ABCC9: variants seen among roughly 807,000 people sequenced by gnomAD.
ABCC9 encodes ATP binding cassette subfamily C member 9.
Under a neutral mutation model 188.3 loss-of-function variants are expected in ABCC9, and 95 were observed. That is an observed-to-expected ratio of 0.50 (90% CI 0.43 to 0.60). The LOEUF is 0.60. Ranked by LOEUF, ABCC9 falls within the 20% of genes least tolerant of loss-of-function variation. The probability of loss-of-function intolerance (pLI) is 0.00; values close to 1 mark genes in which losing one functional copy is unlikely to be tolerated. For missense variants in ABCC9, 1,102 were observed against 1,876.3 expected (o/e 0.59, Z 7.62); for synonymous variants, 659 against 652.7 (o/e 1.01, Z -0.15).
At chr12:21,817,360 T>G in intron 32 of ABCC9, 53 bp from the exon 33 acceptor site, 1 of 1,590,144 alleles carries the variant, frequency 6.3e-7, no homozygotes, top group Admixed American at 1.7e-5. Context: ...TAAGAAGTTG[T>G]GGTTAATCAC....
Position 21,818,084 on chromosome 12 carries a change from C to T in ABCC9, c.3771+66G>A, listed in dbSNP as rs1942775260. On this transcript the variant is annotated intron_variant, in intron 32 of 39. Transcript: ENST00000261200. ...CTCATGTGTTCTCAACATTCAATTC[C>T]CATTTATGAGTGAGAACATGCGGTG... 74 of 1,171,524 alleles carry T rather than the reference C, an allele frequency of 6.3e-5. No individual in the cohort carries two copies. In the South Asian group the frequency reaches 8.7e-4, roughly 14 times the overall value. 72.6% of individuals were successfully genotyped at this position (1,171,524 alleles called of 1,614,324 possible).
chr12:21,921,052 G>A (rs1164523055), intron 5 of ABCC9, among the ~76,000 whole-genome samples: 4 of 151,918 alleles, frequency 2.6e-5, no homozygotes, highest in African/African-American at 4.8e-5. Context: ...ATGTCTGTTC[G>A]ATATACTGAT....
At chr12:21,901,265 G>T (rs1325502883) in intron 12 of ABCC9, among the ~76,000 whole-genome samples, 1 of 152,146 alleles carries the variant, frequency 6.6e-6, no homozygotes, top group African/African-American at 2.4e-5. Flanking sequence ...GAGAGATTTT[G>T]TCACCACCAG....
chr12:21,906,822 A>C (rs777246346), intron 11 of ABCC9, among the ~76,000 whole-genome samples: 15 of 152,254 alleles, frequency 9.9e-5, no homozygotes, highest in Middle Eastern at 3.4e-3. Context: ...TATCTTAGCT[A>C]TCAAGAGATT....
chr12:21,936,650 T>G lies in ABCC9; in HGVS notation c.25A>C (p.Asn9His). The part of the protein sequence containing the change: MSLSFCGN[N>H]ISSYNINDGV... The stretch of plus-strand genomic sequence containing the variant: ...TCGTTGATATTATATGAAGAAATGT[T>G]GTTACCACAAAATGAAAGGCTCATT... The change falls in exon 3 of 40, where the codon AAC (asparagine) becomes CAC (histidine). Residue 9 changes from asparagine (N) to histidine (H), a missense_variant. Around this residue, in one of 12 missense-constraint regions of ABCC9, gnomAD observed 305 missense variants for 573.0 expected, o/e 0.53. Coordinates refer to ENST00000261200, the MANE Select transcript of ABCC9 (RefSeq NM_020297.4). The G allele has an allele frequency of 6.2e-7, 1 of 1,611,416 alleles. No homozygotes were observed. Among genetic ancestry groups the G allele is most frequent in the Non-Finnish European group, 8.5e-7 (1 of 1,177,740 alleles).
intron 4 of ABCC9, among the ~76,000 whole-genome samples, chr12:21,929,705 C>G (rs1326200239): frequency 6.6e-6 from 1 of 151,988 alleles, no homozygotes; most frequent in Admixed American, 6.6e-5. Context: ...TAAGATGGGG[C>G]AAGAGAAAAA....
intron 12 of ABCC9, among the ~76,000 whole-genome samples, chr12:21,896,085 T>C (rs1947393680): frequency 1.3e-5 from 1 of 78,536 alleles, no homozygotes; most frequent in South Asian, 4.0e-4. Context: ...TTTTCTTTTT[T>C]TTTTTTTTTT....
intron 16 of ABCC9, among the ~76,000 whole-genome samples, chr12:21,878,521 C>T (rs1484161513): frequency 2.0e-5 from 3 of 152,134 alleles, no homozygotes; most frequent in Non-Finnish European, 4.4e-5. Flanking sequence ...GGCTGGGATA[C>T]TGGATAGACT....
At chr12:21,903,876 A>T (rs1207634629) in intron 12 of ABCC9, among the ~76,000 whole-genome samples, 2 of 152,262 alleles carry the variant, frequency 1.3e-5, no homozygotes, top group East Asian at 1.9e-4. Flanking sequence ...TATAGATTCA[A>T]TGCTATCCCC....
At chr12:21,808,550 CTA>C (rs1942014882) in intron 37 of ABCC9, among the ~76,000 whole-genome samples, 1 of 151,994 alleles carries the variant, frequency 6.6e-6, no homozygotes, top group African/African-American at 2.4e-5. Context: ...AGAGAAAGTT[CTA>C]TAAGCATGCA....
chr12:21,846,663 C>T (rs1251992772), intron 25 of ABCC9, among the ~76,000 whole-genome samples: 2 of 152,122 alleles, frequency 1.3e-5, no homozygotes, highest in South Asian at 2.1e-4. Context: ...GAGCTGGATG[C>T]AGTAAATGAC....
At chr12:21,893,508 A>G (rs1282040081) in intron 14 of ABCC9, among the ~76,000 whole-genome samples, 1 of 152,114 alleles carries the variant, frequency 6.6e-6, no homozygotes, top group Non-Finnish European at 1.5e-5. Flanking sequence ...TTGACCTACC[A>G]CCACTTCAGT....
At chr12:21,863,813 G>A (rs704195) in intron 19 of ABCC9, among the ~76,000 whole-genome samples, 151,984 of 152,246 alleles carry the variant, frequency 1, 75,862 homozygotes, top group Middle Eastern at 1. Flanking sequence ...GTAAAGTACT[G>A]ATGAAGGAAA....
At position 21,812,403 on chromosome 12, in the gene ABCC9, T is replaced by C. The variant is rs576010510; in HGVS notation, c.4103-246A>G. On this transcript the variant is annotated intron_variant, in intron 35 of 39. Transcript: ENST00000261200. The stretch of plus-strand genomic sequence containing the variant: ...TACTTTAAAGACACATGCACACTTA[T>C]GTTTATGGCAGCACTGTTCACAATA... Among the ~76,000 whole-genome samples, 4 of 152,306 alleles carry C rather than the reference T, an allele frequency of 2.6e-5. No individual in the cohort carries two copies. In the South Asian group the frequency reaches 6.2e-4, roughly 24 times the overall value.
At chr12:21,892,381 A>G (rs1381864589) in intron 14 of ABCC9, among the ~76,000 whole-genome samples, 1 of 152,200 alleles carries the variant, frequency 6.6e-6, no homozygotes, top group African/African-American at 2.4e-5. Flanking sequence ...TACAAAGTCA[A>G]ATTTCAAATA....
At chr12:21,845,063 C>T in intron 26 of ABCC9, 148 bp from the exon 27 acceptor site, 2 of 948,540 alleles carry the variant, frequency 2.1e-6, no homozygotes, top group Non-Finnish European at 3.2e-6. Flanking sequence ...TTTTTTGAGG[C>T]CCAGGGTAGT....
chr12:21,830,806 A>G (rs1018811876), intron 30 of ABCC9, among the ~76,000 whole-genome samples: 3 of 152,188 alleles, frequency 2.0e-5, no homozygotes, highest in Admixed American at 6.5e-5. Context: ...GCTGCCATGC[A>G]CAGGAGGACC....
intron 17 of ABCC9, among the ~76,000 whole-genome samples, chr12:21,874,269 T>C (rs1946227845): frequency 6.6e-6 from 1 of 152,026 alleles, no homozygotes; most frequent in Admixed American, 6.6e-5. Context: ...TCAACAACAC[T>C]AAACATCAGG....
intron 15 of ABCC9, among the ~76,000 whole-genome samples, chr12:21,885,121 C>T (rs1346007696): frequency 1.3e-5 from 2 of 152,180 alleles, no homozygotes; most frequent in African/African-American, 2.4e-5. Context: ...TGGCCCTAGA[C>T]TGTCACTAAT....
Sources: allele counts gnomAD v4.1 joint callset (sites outside exome capture counted in the v4.1 genomes callset), GRCh38; gene constraint gnomAD v4.1.1; regional missense constraint gnomAD v4.1.1; transcripts MANE v1.5; gene names NCBI Gene and HGNC (gene_info 2026-07-23, HGNC 2026-07-21).